The following ARHGAP10 variants were observed in gnomAD, a reference collection of about 807,000 sequenced individuals.
The protein encoded by ARHGAP10 is Rho GTPase activating protein 10.
In ARHGAP10, 87 loss-of-function variants were observed where a neutral mutation model predicts 108.6. The observed-to-expected ratio is 0.80, with a 90% CI of 0.67 to 0.96. ARHGAP10 has a LOEUF of 0.96. Ranked by LOEUF, ARHGAP10 falls within the 40% of genes least tolerant of loss-of-function variation. The pLI is 0.00. For missense variants in ARHGAP10, 939 were observed against 954.5 expected (o/e 0.98, Z 0.21); for synonymous variants, 347 against 341.1 (o/e 1.02, Z -0.19).
chr4:147,968,008 G>C (rs954530375), intron 18 of ARHGAP10, among the ~76,000 whole-genome samples: 12 of 152,212 alleles, frequency 7.9e-5, no homozygotes, highest in Admixed American at 6.5e-4. Flanking sequence ...ATTAATATTT[G>C]AGAGGGTTTT....
At chr4:147,960,183 C>G (rs1297880542) in intron 16 of ARHGAP10, among the ~76,000 whole-genome samples, 1 of 151,572 alleles carries the variant, frequency 6.6e-6, no homozygotes, top group Non-Finnish European at 1.5e-5. Context: ...TTACCTAACC[C>G]TTTAGACAGT....
chr4:147,867,074 A>G (rs1463859904), intron 7 of ARHGAP10, among the ~76,000 whole-genome samples: 1 of 152,014 alleles, frequency 6.6e-6, no homozygotes, highest in Admixed American at 6.6e-5. Context: ...TGTTATGTTA[A>G]CTCTAAATCA....
intron 16 of ARHGAP10, among the ~76,000 whole-genome samples, chr4:147,957,945 T>C (rs1221062853): frequency 6.6e-6 from 1 of 152,196 alleles, no homozygotes; most frequent in Non-Finnish European, 1.5e-5. Context: ...TTGAGAAAAT[T>C]AAGAGAGTTA....
chr4:147,812,386 C>T (rs902084289), intron 1 of ARHGAP10, among the ~76,000 whole-genome samples: 5 of 152,108 alleles, frequency 3.3e-5, no homozygotes, highest in African/African-American at 1.2e-4. Context: ...ATTCTGGGGT[C>T]TAGCTTGACC....
chr4:147,860,465 CAAA>C (rs954888946), intron 5 of ARHGAP10, among the ~76,000 whole-genome samples: 1 of 151,172 alleles, frequency 6.6e-6, no homozygotes, highest in African/African-American at 2.4e-5. Context: ...CAAAACAAAA[CAAA>C]AAAAACCAGG....
intron 18 of ARHGAP10, among the ~76,000 whole-genome samples, chr4:148,001,505 G>T (rs1001453681): frequency 6.6e-6 from 1 of 152,022 alleles, no homozygotes; most frequent in African/African-American, 2.4e-5. Flanking sequence ...TACCTTGGGT[G>T]GTATGGCCAT....
intron 1 of ARHGAP10, among the ~76,000 whole-genome samples, chr4:147,820,610 T>TTTTG: frequency 1.9e-5 from 1 of 52,990 alleles, no homozygotes; most frequent in African/African-American, 5.8e-5. Flanking sequence ...TTTTTTTTTT[T>TTTTG]GAGACAGGGT....
chr4:148,043,863 TA>T (rs1418251404), intron 19 of ARHGAP10, among the ~76,000 whole-genome samples: 1 of 151,178 alleles, frequency 6.6e-6, no homozygotes, highest in African/African-American at 2.4e-5. Context: ...TCATAGTAGT[TA>T]AAAAATGCTA....
At chr4:147,953,363 TTG>T (rs1320085856) in intron 15 of ARHGAP10, among the ~76,000 whole-genome samples, 1 of 151,994 alleles carries the variant, frequency 6.6e-6, no homozygotes, top group Admixed American at 6.6e-5. Flanking sequence ...TCTTAATTGT[TTG>T]GTAGAATTCA....
chr4:147,904,214 TTTTCTTTC>T (rs754238639), intron 10 of ARHGAP10, among the ~76,000 whole-genome samples: 1 of 152,064 alleles, frequency 6.6e-6, no homozygotes, highest in East Asian at 1.9e-4. Flanking sequence ...AGGGTGCATC[TTTTCTTTC>T]TTTCTTTCTT....
intron 16 of ARHGAP10, among the ~76,000 whole-genome samples, chr4:147,964,634 T>C (rs914219659): frequency 6.6e-6 from 1 of 152,232 alleles, no homozygotes; most frequent in African/African-American, 2.4e-5. Flanking sequence ...TGCAATAGCC[T>C]ATTTGCTGAT....
intron 1 of ARHGAP10, among the ~76,000 whole-genome samples, chr4:147,770,073 C>A: frequency 6.6e-6 from 1 of 152,186 alleles, no homozygotes; most frequent in Middle Eastern, 3.2e-3. Context: ...AGTGTGTGTT[C>A]ATACACCAGC....
intron 1 of ARHGAP10, among the ~76,000 whole-genome samples, chr4:147,748,893 A>G (rs1729037254): frequency 6.6e-6 from 1 of 152,112 alleles, no homozygotes; most frequent in Non-Finnish European, 1.5e-5. Context: ...CGGGAGATTG[A>G]TGCTGCAGTG....
In ARHGAP10 at chr4:147,809,372, C is replaced by T. The variant is rs182797542; in HGVS notation, c.155-13355C>T. 2.5e-4 allele frequency among the ~76,000 whole-genome samples: 38 copies of T among 152,176 alleles called. 1 individual carries two copies. In the East Asian group the frequency reaches 6.5e-3, roughly 26 times the overall value. On this transcript the variant is annotated intron_variant, in intron 1 of 22. Transcript: ENST00000336498. ...GCTAACATGCATTTTTTTTCTTGAT[C>T]TTAAATTAGCTTCCTCTCTTGACTT...
chr4:147,976,625 T>G (rs1230164276), intron 18 of ARHGAP10, among the ~76,000 whole-genome samples: 1 of 152,112 alleles, frequency 6.6e-6, no homozygotes, highest in Non-Finnish European at 1.5e-5. Flanking sequence ...CAGGAAACTT[T>G]CTGTCTTCCT....
intron 4 of ARHGAP10, among the ~76,000 whole-genome samples, chr4:147,850,695 T>G (rs1733845858): frequency 6.6e-6 from 1 of 152,186 alleles, no homozygotes. Flanking sequence ...GGCTTCGTTC[T>G]TGAATTCAGT....
chr4:148,038,988 C>T (rs184485724), intron 19 of ARHGAP10, among the ~76,000 whole-genome samples: 3 of 145,026 alleles, frequency 2.1e-5, no homozygotes, highest in African/African-American at 8.2e-5. Context: ...CTATATTTCT[C>T]TCCCCACTTC....
chr4:147,888,661 G>A (rs565998801), intron 10 of ARHGAP10, among the ~76,000 whole-genome samples: 49 of 152,086 alleles, frequency 3.2e-4, no homozygotes, highest in Middle Eastern at 3.4e-3. Flanking sequence ...CAGACCCCCC[G>A]CCCTTTAATG....
chr4:147,848,739 C>T (rs191911010), intron 4 of ARHGAP10, among the ~76,000 whole-genome samples: 7 of 152,274 alleles, frequency 4.6e-5, no homozygotes, highest in Admixed American at 2.0e-4. Context: ...CTTTTACTTG[C>T]CATCTATTCT....
Sources: gnomAD v4.1 joint callset for allele counts (sites outside exome capture counted in the v4.1 genomes callset) on GRCh38, gnomAD v4.1.1 for gene constraint, MANE v1.5 for transcripts, NCBI Gene and HGNC (gene_info 2026-07-23, HGNC 2026-07-21) for gene names.